SLC35E3: variants seen among roughly 807,000 people sequenced by gnomAD.
The protein encoded by SLC35E3 is bladder cancer-overexpressed gene 1 protein.
SLC35E3 carries 28 observed loss-of-function variants against 30.8 expected under a neutral mutation model. The ratio of observed to expected loss-of-function variants is 0.91; its 90% confidence interval spans 0.67 to 1.25. SLC35E3 has a LOEUF of 1.25. SLC35E3 is among the 50% of genes most tolerant of loss of function. The probability of loss-of-function intolerance (pLI) is 0.00; values close to 1 mark genes in which losing one functional copy is unlikely to be tolerated. For synonymous variants in SLC35E3, 146 were observed against 149.2 expected (o/e 0.98, Z 0.16); for missense variants, 365 against 375.4 (o/e 0.97, Z 0.23).
rs1879670337 is a variant in SLC35E3, at chr12:68,773,900, G to A, written c.*9010G>A. ...ATTCTTTGTTCATCTCCACTCTAGA[G>A]GCTAGAAATACTAAATTCTCTTTTT... On this transcript the variant is annotated 3_prime_UTR_variant, in exon 5 of 5. Transcript: ENST00000398004. 6.6e-6 allele frequency: 1 copy of A among 152,264 alleles called. No homozygotes were observed. The highest frequency in any genetic ancestry group is 2.1e-4 in the South Asian group (1 of 4,828). 9.4% of individuals were successfully genotyped at this position (152,264 alleles called of 1,614,324 possible). A position where few individuals can be genotyped will look rare whatever the true frequency, so the allele number is the denominator to read the frequency against.
rs71091558 is a variant in SLC35E3, at chr12:68,774,821, T to TA, written c.*9948dup. 0.52 allele frequency: 49,200 copies of TA among 94,304 alleles called. 11,465 individuals carry two copies. Among genetic ancestry groups the TA allele is most frequent in the South Asian group, 0.66 (1,913 of 2,888 alleles). 5.8% of individuals were successfully genotyped at this position (94,304 alleles called of 1,614,324 possible). A position where few individuals can be genotyped will look rare whatever the true frequency, so the allele number is the denominator to read the frequency against. ...CAATGCCGTTAGATGCCCTATCTCTTAAAAAAAAAAAAAAAAAGATAAAAT... is the reference window on the plus strand; with the variant it reads ...CAATGCCGTTAGATGCCCTATCTCTTAAAAAAAAAAAAAAAAAAGATAAAAT... On this transcript the variant is annotated 3_prime_UTR_variant, in exon 5 of 5. Transcript: ENST00000398004.
intron 4 of SLC35E3, among the ~76,000 whole-genome samples, chr12:68,762,258 G>A (rs989901121): frequency 8.5e-5 from 13 of 152,116 alleles, no homozygotes; most frequent in Non-Finnish European, 4.4e-5. Flanking sequence ...CAGACAAGTA[G>A]AAGAAAATAA....
intron 3 of SLC35E3, among the ~76,000 whole-genome samples, chr12:68,758,091 CAAA>C (rs200316416): frequency 2.5e-5 from 3 of 121,342 alleles, no homozygotes; most frequent in Admixed American, 1.8e-4. Context: ...GACTCCATCT[CAAA>C]AAAAAAAAAA....
rs918189884 is a variant in SLC35E3 at position 68,765,820 on chromosome 12, A to G, written c.*930A>G. 1.3e-5 allele frequency: 2 copies of G among 151,156 alleles called. No individual in the cohort carries two copies. Among genetic ancestry groups the G allele is most frequent in the East Asian group, 3.9e-4 (2 of 5,130 alleles). The allele number at this position is 151,156 out of a possible 1,614,324, so 9.4% of individuals were successfully genotyped here. A position where few individuals can be genotyped will look rare whatever the true frequency, so the allele number is the denominator to read the frequency against. On this transcript the variant is annotated 3_prime_UTR_variant, in exon 5 of 5. Coordinates refer to ENST00000398004, the MANE Select transcript of SLC35E3 (RefSeq NM_018656.5). ...ATATGAAAATTAAAGTTCTGTGATA[A>G]TGACAAAGGAATTGCTGTTACTGTA...
At position 68,780,454 on chromosome 12, in the gene SLC35E3, T is replaced by C. The variant is rs1419572992; in HGVS notation, c.*15564T>C. 6.6e-6 allele frequency: 1 copy of C among 150,886 alleles called. No individual in the cohort carries two copies. 9.3% of individuals were successfully genotyped at this position (150,886 alleles called of 1,614,324 possible). ...TCTCAAAGTGCTGGGATTACAGGCG[T>C]GAGCCGTCCTGCCTGGCCTAGTCAC... is the stretch of plus-strand genomic sequence containing the variant. On this transcript the variant is annotated 3_prime_UTR_variant, in exon 5 of 5. Coordinates refer to ENST00000398004, the MANE Select transcript of SLC35E3 (RefSeq NM_018656.5).
Position 68,781,156 on chromosome 12 carries a change from C to T in SLC35E3, c.*16266C>T, listed in dbSNP as rs1565723524. 6.6e-6 allele frequency: 1 copy of T among 152,154 alleles called. No homozygotes were observed. Among genetic ancestry groups the T allele is most frequent in the African/African-American group, 2.4e-5 (1 of 41,418 alleles). 9.4% of individuals were successfully genotyped at this position (152,154 alleles called of 1,614,324 possible). On this transcript the variant is annotated 3_prime_UTR_variant, in exon 5 of 5. Transcript: ENST00000398004. ...ATAAGATTTGTGATTGTAATATAAA[C>T]TTAAATCACTTTGGGAATGAATTTA...
chr12:68,752,133 C>CT lies in SLC35E3; in HGVS notation c.618dup (p.Glu207Ter). Reference sequence around the variant, plus strand: ...CCATGTTGCTGGTTGCTGTGCCCTTCTTTGAGCCAGTGTTTGGAGAAGGAG... The same window carrying CT: ...CCATGTTGCTGGTTGCTGTGCCCTTCTTTTGAGCCAGTGTTTGGAGAAGGAG... On this transcript the variant is annotated frameshift_variant, in exon 3 of 5. Transcript: ENST00000398004. LOFTEE classifies it high-confidence loss of function. The CT allele has an allele frequency of 6.2e-7, 1 of 1,613,932 alleles. No individual in the cohort carries two copies. The highest frequency in any genetic ancestry group is 8.5e-7 in the Non-Finnish European group (1 of 1,179,996).
intron 2 of SLC35E3, among the ~76,000 whole-genome samples, chr12:68,750,999 A>G (rs970208128): frequency 1.1e-4 from 17 of 152,000 alleles, no homozygotes; most frequent in African/African-American, 3.9e-4. Flanking sequence ...CCTTTTTTTC[A>G]GTTATATTTG....
Position 68,781,385 on chromosome 12 carries a change from T to G in SLC35E3, c.*16495T>G, listed in dbSNP as rs1879879596. On this transcript the variant is annotated 3_prime_UTR_variant, in exon 5 of 5. Transcript: ENST00000398004. Reference sequence around the variant, plus strand: ...CTGAATAAAACCTTTATAGCTACAATTATAACAGGATTGTTTCTACATTTT... The same window carrying G: ...CTGAATAAAACCTTTATAGCTACAAGTATAACAGGATTGTTTCTACATTTT... 6.6e-6 allele frequency: 1 copy of G among 152,246 alleles called. No homozygotes were observed. The highest frequency in any genetic ancestry group is 2.1e-4 in the South Asian group (1 of 4,836). 9.4% of individuals were successfully genotyped at this position (152,246 alleles called of 1,614,324 possible).
intron 3 of SLC35E3, among the ~76,000 whole-genome samples, chr12:68,758,499 T>C (rs1471202077): frequency 6.6e-6 from 1 of 152,160 alleles, no homozygotes; most frequent in Admixed American, 6.5e-5. Flanking sequence ...GAATTCCTTA[T>C]ATTCTTTTTG....
In SLC35E3 at chr12:68,772,829, G is replaced by A. The variant is rs1461886581; in HGVS notation, c.*7939G>A. On this transcript the variant is annotated 3_prime_UTR_variant, in exon 5 of 5. Coordinates refer to ENST00000398004, the MANE Select transcript of SLC35E3 (RefSeq NM_018656.5). ...TTGTCTTACTCTCCCCCCAAAAAGA[G>A]TCAGTTTCCTGTTTTCTCAATTTCT... The A allele has an allele frequency of 1.3e-5, 2 of 152,126 alleles. No individual in the cohort carries two copies. The allele number at this position is 152,126 out of a possible 1,614,324, so 9.4% of individuals were successfully genotyped here.
chr12:68,761,100 A>T lies in SLC35E3; in HGVS notation c.755+1861A>T, dbSNP rs867503187. ...AAACCAAGGAAGCCTGTGTGGTTAG[A>T]GCAGGTTGAGCAAAGGAGGGAATGT... On this transcript the variant is annotated intron_variant, in intron 4 of 4. Coordinates refer to ENST00000398004, the MANE Select transcript of SLC35E3 (RefSeq NM_018656.5). 7.6e-4 allele frequency among the ~76,000 whole-genome samples: 116 copies of T among 152,216 alleles called. 1 individual carries two copies. Among genetic ancestry groups the T allele is most frequent in the African/African-American group, 2.7e-3 (110 of 41,462 alleles).
chr12:68,759,094 A>G lies in SLC35E3; in HGVS notation c.673-63A>G, dbSNP rs962418269. On this transcript the variant is annotated intron_variant, in intron 3 of 4. Transcript: ENST00000398004. ...TTTTTTAAAATGCCGAATGAAATGT[A>G]TCTTTGCTTGATGATTATGATTGCA... 5 of 1,136,330 alleles carry G rather than the reference A, an allele frequency of 4.4e-6. No individual in the cohort carries two copies. In the East Asian group the frequency reaches 7.1e-5, roughly 16 times the overall value. The allele number at this position is 1,136,330 out of a possible 1,614,324, so 70.4% of individuals were successfully genotyped here.
At chr12:68,756,301 TAAA>T (rs34141831) in intron 3 of SLC35E3, among the ~76,000 whole-genome samples, 12 of 117,112 alleles carry the variant, frequency 1.0e-4, no homozygotes, top group South Asian at 2.9e-4. Context: ...GAAAAGCCAT[TAAA>T]AAAAAAAAAA....
At chr12:68,753,213 T>G (rs1447794985) in intron 3 of SLC35E3, among the ~76,000 whole-genome samples, 5 of 149,454 alleles carry the variant, frequency 3.3e-5, no homozygotes, top group Non-Finnish European at 5.9e-5. Context: ...ACCTGGGAGG[T>G]GGAGGTTGCA....
At chr12:68,763,698 A>G (rs1382907911) in intron 4 of SLC35E3, among the ~76,000 whole-genome samples, 4 of 152,074 alleles carry the variant, frequency 2.6e-5, no homozygotes, top group Middle Eastern at 3.4e-3. Flanking sequence ...CCTGGCCACA[A>G]GTAATTTTTA....
intron 3 of SLC35E3, among the ~76,000 whole-genome samples, chr12:68,757,514 C>T (rs1193846414): frequency 6.6e-6 from 1 of 152,106 alleles, no homozygotes; most frequent in South Asian, 2.1e-4. Context: ...ACCCATTTGT[C>T]CCCCTGTGCC....
Position 68,764,984 on chromosome 12 carries a change from C to A in SLC35E3, c.*94C>A. ...TAAAAAAAAAAAATTGGGCCAGGCA[C>A]GGTGGCTCACGCCTGTAATCCCAGC... On this transcript the variant is annotated 3_prime_UTR_variant, in exon 5 of 5. Coordinates refer to ENST00000398004, the MANE Select transcript of SLC35E3 (RefSeq NM_018656.5). 8.2e-7 allele frequency: 1 copy of A among 1,212,430 alleles called. No individual in the cohort carries two copies. Among genetic ancestry groups the A allele is most frequent in the Non-Finnish European group, 1.1e-6 (1 of 877,724 alleles). 75.1% of individuals were successfully genotyped at this position (1,212,430 alleles called of 1,614,324 possible). A position where few individuals can be genotyped will look rare whatever the true frequency, so the allele number is the denominator to read the frequency against.
chr12:68,763,615 C>T (rs1383501214), intron 4 of SLC35E3, among the ~76,000 whole-genome samples: 1 of 152,186 alleles, frequency 6.6e-6, no homozygotes, highest in Non-Finnish European at 1.5e-5. Flanking sequence ...TCTCGAACTC[C>T]TGACCTCAGG....
Sources: gnomAD v4.1 joint callset for allele counts (sites outside exome capture counted in the v4.1 genomes callset) on GRCh38, gnomAD v4.1.1 for gene constraint, MANE v1.5 for transcripts, NCBI Gene and HGNC (gene_info 2026-07-23, HGNC 2026-07-21) for gene names.